UBAC2: variants seen among roughly 807,000 people sequenced by gnomAD.
UBAC2 encodes UBA domain containing 2.
UBAC2 carries 26 observed loss-of-function variants against 44.0 expected under a neutral mutation model. The ratio of observed to expected loss-of-function variants is 0.59; its 90% CI spans 0.43 to 0.82. The LOEUF is 0.82. Ranked by LOEUF, UBAC2 falls within the 40% of genes least tolerant of loss-of-function variation. The probability of loss-of-function intolerance (pLI) is 0.00; values close to 1 mark genes in which losing one functional copy is unlikely to be tolerated. For synonymous variants in UBAC2, 155 were observed against 154.3 expected (o/e 1.00, Z -0.04); for missense variants, 329 against 419.4 (o/e 0.78, Z 1.88).
chr13:99,221,548 T>C (rs1039085774), intron 1 of UBAC2, among the ~76,000 whole-genome samples: 8 of 152,218 alleles, frequency 5.3e-5, no homozygotes, highest in African/African-American at 1.9e-4. Context: ...TCACCTTTTA[T>C]TTTATTTCTA....
chr13:99,264,361 A>G (rs577969368), intron 4 of UBAC2, among the ~76,000 whole-genome samples: 1 of 152,310 alleles, frequency 6.6e-6, no homozygotes, highest in South Asian at 2.1e-4. Context: ...AGGGAAGGGA[A>G]AAGAAGCAAA....
chr13:99,242,450 CG>C (rs1298193028), intron 2 of UBAC2, among the ~76,000 whole-genome samples: 13 of 134,906 alleles, frequency 9.6e-5, no homozygotes, highest in African/African-American at 3.4e-4. Flanking sequence ...GCTGGCCGGG[CG>C]GGGGGCTGAC....
chr13:99,228,740 C>T (rs1380403941), intron 1 of UBAC2, among the ~76,000 whole-genome samples: 1 of 152,170 alleles, frequency 6.6e-6, no homozygotes, highest in African/African-American at 2.4e-5. Context: ...GTGCTCTCCT[C>T]TACTTTTGAA....
chr13:99,342,934 T>C (rs1416227690), intron 7 of UBAC2, among the ~76,000 whole-genome samples: 1 of 152,250 alleles, frequency 6.6e-6, no homozygotes, highest in African/African-American at 2.4e-5. Flanking sequence ...GCCGTTTCTT[T>C]CAGCTGCCAC....
At chr13:99,212,584 C>T (rs1329700774) in intron 1 of UBAC2, among the ~76,000 whole-genome samples, 1 of 152,140 alleles carries the variant, frequency 6.6e-6, no homozygotes, top group Non-Finnish European at 1.5e-5. Flanking sequence ...CTTCAAAGAT[C>T]CTTTGCAGCC....
chr13:99,380,681 C>T (rs531432397), intron 8 of UBAC2, among the ~76,000 whole-genome samples: 36 of 152,326 alleles, frequency 2.4e-4, no homozygotes, highest in African/African-American at 8.2e-4. Context: ...CAAGCCCAAG[C>T]ATGCAGTTTC....
chr13:99,347,138 G>A (rs560528654), intron 7 of UBAC2, among the ~76,000 whole-genome samples: 105 of 152,038 alleles, frequency 6.9e-4, no homozygotes, highest in Non-Finnish European at 1.1e-3. Flanking sequence ...AAAGATCTAC[G>A]GATACTCTTG....
chr13:99,283,436 T>A (rs963805182), intron 4 of UBAC2, among the ~76,000 whole-genome samples: 2 of 152,202 alleles, frequency 1.3e-5, no homozygotes, highest in African/African-American at 4.8e-5. Flanking sequence ...GATTTACCCT[T>A]TCTCTTAAGA....
At position 99,205,027 on chromosome 13, in the gene UBAC2, C is replaced by A. The variant is rs2042852550; in HGVS notation, c.31+4088C>A. Among the ~76,000 whole-genome samples the A allele has an allele frequency of 2.0e-5, 3 of 150,694 alleles. No individual in the cohort carries two copies. In the Admixed American group the frequency reaches 2.0e-4, roughly 10 times the overall value. Reference sequence around the variant, plus strand: ...CAAGCAATTCTTCTGCCTCAGCATCCTGAGTAGCAGGGACTATAGGTGTGT... The same window carrying A: ...CAAGCAATTCTTCTGCCTCAGCATCATGAGTAGCAGGGACTATAGGTGTGT... On this transcript the variant is annotated intron_variant, in intron 1 of 8. Coordinates refer to ENST00000403766, the MANE Select transcript of UBAC2 (RefSeq NM_001144072.2).
At chr13:99,230,827 G>A (rs1478707988) in intron 1 of UBAC2, among the ~76,000 whole-genome samples, 2 of 152,136 alleles carry the variant, frequency 1.3e-5, no homozygotes, top group Admixed American at 1.3e-4. Flanking sequence ...GAGGCGGGTG[G>A]ATCATGAGGT....
chr13:99,258,184 T>G (rs2043601046), intron 4 of UBAC2: 1 of 152,284 alleles, frequency 6.6e-6, no homozygotes, highest in African/African-American at 2.4e-5. Flanking sequence ...GTGTGAGAGA[T>G]GAGCATTTTT....
At chr13:99,238,926 C>T (rs932033653) in intron 2 of UBAC2, among the ~76,000 whole-genome samples, 3 of 152,196 alleles carry the variant, frequency 2.0e-5, no homozygotes, top group African/African-American at 7.2e-5. Context: ...GAGCTAGGCT[C>T]TGTCAGCTGT....
intron 7 of UBAC2, among the ~76,000 whole-genome samples, chr13:99,359,329 G>T (rs1224903057): frequency 6.6e-6 from 1 of 152,188 alleles, no homozygotes; most frequent in Non-Finnish European, 1.5e-5. Context: ...TAAAAGGCAG[G>T]GAGGTTGTCT....
chr13:99,346,142 C>T (rs879404970), intron 7 of UBAC2, among the ~76,000 whole-genome samples: 1 of 152,234 alleles, frequency 6.6e-6, no homozygotes, highest in Non-Finnish European at 1.5e-5. Flanking sequence ...GGGTTTCACC[C>T]CAGACATTTC....
intron 1 of UBAC2, among the ~76,000 whole-genome samples, chr13:99,218,067 G>A (rs1445950030): frequency 1.3e-5 from 2 of 152,128 alleles, no homozygotes; most frequent in Non-Finnish European, 2.9e-5. Flanking sequence ...TATTCCAACT[G>A]TTAACTGATT....
chr13:99,283,420 C>T (rs1005354159), intron 4 of UBAC2, among the ~76,000 whole-genome samples: 5 of 151,878 alleles, frequency 3.3e-5, no homozygotes, highest in African/African-American at 9.7e-5. Context: ...TTTTTTTTGA[C>T]AGCAGGATTT....
intron 1 of UBAC2, among the ~76,000 whole-genome samples, chr13:99,229,008 G>T (rs1474676230): frequency 1.3e-5 from 2 of 152,206 alleles, no homozygotes; most frequent in Non-Finnish European, 2.9e-5. Context: ...CAGAATCTGA[G>T]AATGTCCCCA....
Position 99,232,399 on chromosome 13 carries a change from G to GAGATAGATATATAT in UBAC2, c.32-6027_32-6026insGATAGATATATATA, listed in dbSNP as rs1367302629. ...AGACCCTGTCCATCCTTAGTTGAGAGATATAGATATATATATATATATTCA... is the reference window on the plus strand; with the variant it reads ...AGACCCTGTCCATCCTTAGTTGAGAGAGATAGATATATATATATAGATATATATATATATATTCA... On this transcript the variant is annotated intron_variant, in intron 1 of 8. Transcript: ENST00000403766. Among the ~76,000 whole-genome samples the GAGATAGATATATAT allele has an allele frequency of 2.1e-3, 228 of 109,952 alleles. 8 individuals carry two copies. The highest frequency in any genetic ancestry group is 4.9e-3 in the African/African-American group (172 of 35,172). The allele number at this position is 109,952 out of a possible 152,430, so 72.1% of individuals were successfully genotyped here.
chr13:99,259,727 A>C (rs2043629299), intron 4 of UBAC2, among the ~76,000 whole-genome samples: 1 of 152,254 alleles, frequency 6.6e-6, no homozygotes, highest in Non-Finnish European at 1.5e-5. Flanking sequence ...ATCTGCCTGC[A>C]TGCAGACCTA....
Sources: gnomAD v4.1 joint callset for allele counts (sites outside exome capture counted in the v4.1 genomes callset) on GRCh38, gnomAD v4.1.1 for gene constraint, MANE v1.5 for transcripts, NCBI Gene and HGNC (gene_info 2026-07-23, HGNC 2026-07-21) for gene names.